The following PARD3 variants were observed in gnomAD, a reference collection of about 807,000 sequenced individuals.
PARD3 encodes par-3 family cell polarity regulator.
A neutral mutation model predicts 155.4 loss-of-function variants in PARD3; 75 were observed. The observed-to-expected ratio is 0.48, with a 90% CI of 0.40 to 0.58. The LOEUF (loss-of-function observed/expected upper bound fraction) is 0.58, where lower values mean the gene tolerates loss of function less well. Among genes scored for constraint, PARD3 ranks in the 20% least tolerant of loss-of-function variants. PARD3 has a pLI of 0.00. For missense variants in PARD3, 1,642 were observed against 1,721.7 expected (o/e 0.95, Z 0.82); for synonymous variants, 576 against 610.5 (o/e 0.94, Z 0.83).
intron 22 of PARD3, among the ~76,000 whole-genome samples, chr10:34,245,175 G>A (rs1953863624): frequency 6.6e-6 from 1 of 152,190 alleles, no homozygotes; most frequent in African/African-American, 2.4e-5. Context: ...AGGATAGGAA[G>A]AGATTCATTC....
chr10:34,366,704 C>T (rs1254791757), intron 12 of PARD3, among the ~76,000 whole-genome samples: 1 of 152,020 alleles, frequency 6.6e-6, no homozygotes, highest in Non-Finnish European at 1.5e-5. Context: ...ATATTTTTAA[C>T]TAAGAGAAAG....
At chr10:34,243,705 G>A (rs910327186) in intron 22 of PARD3, among the ~76,000 whole-genome samples, 5 of 152,080 alleles carry the variant, frequency 3.3e-5, no homozygotes, top group Non-Finnish European at 5.9e-5. Context: ...GTGTGTCGGC[G>A]CGCACTGAGC....
intron 22 of PARD3, among the ~76,000 whole-genome samples, chr10:34,178,853 T>C (rs1950145897): frequency 6.6e-6 from 1 of 152,228 alleles, no homozygotes; most frequent in Admixed American, 6.5e-5. Flanking sequence ...AGTATTATCA[T>C]AACTGCCTTA....
intron 22 of PARD3, among the ~76,000 whole-genome samples, chr10:34,236,496 A>C (rs1322254518): frequency 2.6e-5 from 4 of 152,210 alleles, no homozygotes; most frequent in African/African-American, 9.7e-5. Context: ...ACAAATAACT[A>C]AAAGCTTTAA....
At chr10:34,730,279 C>CCT (rs902901418) in intron 1 of PARD3, among the ~76,000 whole-genome samples, 26 of 152,060 alleles carry the variant, frequency 1.7e-4, no homozygotes, top group African/African-American at 6.3e-4. Context: ...ACAAATCTCA[C>CCT]CTCTCTCTCT....
intron 1 of PARD3, among the ~76,000 whole-genome samples, chr10:34,738,964 T>C (rs11009906): frequency 0.015 from 2,276 of 152,292 alleles, 17 homozygotes; most frequent in Admixed American, 0.022. Context: ...TAAATGGTAA[T>C]GATTGATATA....
At chr10:34,742,830 G>A (rs17493513) in intron 1 of PARD3, among the ~76,000 whole-genome samples, 50,997 of 152,056 alleles carry the variant, frequency 0.34, 10,247 homozygotes, top group Non-Finnish European at 0.45. Flanking sequence ...TATTGATCGT[G>A]AAGAATCTAC....
chr10:34,456,141 A>G (rs1379405991), intron 4 of PARD3, among the ~76,000 whole-genome samples: 9 of 152,158 alleles, frequency 5.9e-5, no homozygotes, highest in Non-Finnish European at 1.3e-4. Context: ...AAACAACCAC[A>G]TCGGGATCAT....
At chr10:34,719,211 A>G (rs575987502) in intron 1 of PARD3, among the ~76,000 whole-genome samples, 2 of 152,334 alleles carry the variant, frequency 1.3e-5, no homozygotes, top group South Asian at 2.1e-4. Context: ...CCTTCATGTC[A>G]TCATTAATTG....
intron 4 of PARD3, among the ~76,000 whole-genome samples, chr10:34,463,581 T>C (rs2132989659): frequency 6.6e-6 from 1 of 152,302 alleles, no homozygotes; most frequent in South Asian, 2.1e-4. Flanking sequence ...TAATTTTTCA[T>C]TTGAAAATGA....
At chr10:34,220,473 C>T (rs1232513085) in intron 22 of PARD3, among the ~76,000 whole-genome samples, 9 of 152,160 alleles carry the variant, frequency 5.9e-5, no homozygotes, top group Non-Finnish European at 4.4e-5. Flanking sequence ...TGCATTTTAC[C>T]TGTGCGATTT....
intron 3 of PARD3, among the ~76,000 whole-genome samples, chr10:34,475,278 G>A (rs2078634754): frequency 6.6e-6 from 1 of 152,188 alleles, no homozygotes; most frequent in African/African-American, 2.4e-5. Context: ...CACATTTAGT[G>A]GAAAGAGCAG....
At chr10:34,778,459 G>A (rs1047539738) in intron 1 of PARD3, among the ~76,000 whole-genome samples, 4 of 152,190 alleles carry the variant, frequency 2.6e-5, no homozygotes, top group Admixed American at 6.5e-5. Context: ...CTTCGTTTGT[G>A]TTGCTAAATG....
intron 5 of PARD3, among the ~76,000 whole-genome samples, chr10:34,442,801 T>C (rs1251411460): frequency 6.6e-6 from 1 of 152,126 alleles, no homozygotes; most frequent in African/African-American, 2.4e-5. Context: ...AGCACAGAAG[T>C]TTGAAGCTGA....
At chr10:34,259,806 A>ATTT (rs1253235436) in intron 22 of PARD3, among the ~76,000 whole-genome samples, 1 of 152,032 alleles carries the variant, frequency 6.6e-6, no homozygotes, top group African/African-American at 2.4e-5. Flanking sequence ...TAAAAAGGGA[A>ATTT]TTTTTCTTTT....
chr10:34,137,391 G>A (rs1947957483), intron 22 of PARD3, among the ~76,000 whole-genome samples: 1 of 152,154 alleles, frequency 6.6e-6, no homozygotes, highest in Non-Finnish European at 1.5e-5. Context: ...CCTAGTAGAA[G>A]CCTCTGTGTG....
intron 19 of PARD3, among the ~76,000 whole-genome samples, chr10:34,323,028 C>G (rs1231398150): frequency 6.6e-6 from 1 of 152,156 alleles, no homozygotes; most frequent in African/African-American, 2.4e-5. Context: ...TTTAGTAAAT[C>G]CACTGACCAC....
intron 2 of PARD3, among the ~76,000 whole-genome samples, chr10:34,691,482 T>A (rs1011720093): frequency 6.6e-6 from 1 of 152,182 alleles, no homozygotes; most frequent in Non-Finnish European, 1.5e-5. Context: ...TGCTCTTGGA[T>A]TGAAACAACA....
intron 14 of PARD3, among the ~76,000 whole-genome samples, chr10:34,355,924 C>CAAAAAAAAAAAAAAAAAAAA (rs869284165): frequency 4.2e-4 from 18 of 42,722 alleles, no homozygotes; most frequent in Non-Finnish European, 7.0e-4. Flanking sequence ...CACTCCGTCT[C>CAAAAAAAAAAAAAAAAAAAA]AAAAAAAAAA....
Sources: gnomAD v4.1 joint callset for allele counts (sites outside exome capture counted in the v4.1 genomes callset) on GRCh38, gnomAD v4.1.1 for gene constraint, MANE v1.5 for transcripts, NCBI Gene and HGNC (gene_info 2026-07-23, HGNC 2026-07-21) for gene names.